Variants in MYBL1 observed in about 807,000 individuals in gnomAD.
MYBL1 encodes MYB proto-oncogene like 1.
A neutral mutation model predicts 96.3 loss-of-function variants in MYBL1; 17 were observed. That is an observed-to-expected ratio of 0.18 (90% CI 0.12 to 0.26). The LOEUF is 0.26. Among genes scored for constraint, MYBL1 ranks in the 10% least tolerant of loss-of-function variants. MYBL1 has a pLI of 1.00. For synonymous variants in MYBL1, 282 were observed against 292.7 expected (o/e 0.96, Z 0.37); for missense variants, 701 against 882.9 (o/e 0.79, Z 2.61).
At chr8:66,610,164 T>TA (rs1205991577) in intron 1 of MYBL1, among the ~76,000 whole-genome samples, 29 of 152,024 alleles carry the variant, frequency 1.9e-4, no homozygotes, top group African/African-American at 2.4e-5. Flanking sequence ...TACGTATATA[T>TA]AAATATGCTT....
intron 15 of MYBL1, 136 bp downstream of exon 15, chr8:66,565,928 A>G (rs947206742): frequency 1.6e-6 from 1 of 643,096 alleles, no homozygotes; most frequent in Non-Finnish European, 2.5e-6. Flanking sequence ...GAGTGATAAA[A>G]TAATGGTAAA....
At chr8:66,588,114 C>T (rs1809491922) in intron 8 of MYBL1, among the ~76,000 whole-genome samples, 1 of 152,048 alleles carries the variant, frequency 6.6e-6, no homozygotes, top group Non-Finnish European at 1.5e-5. Flanking sequence ...CAGGAGACAG[C>T]ATGGTTTTCC....
intron 14 of MYBL1, among the ~76,000 whole-genome samples, 171 bp downstream of exon 14, chr8:66,566,513 A>C (rs1808509063): frequency 6.6e-6 from 1 of 152,156 alleles, no homozygotes. Flanking sequence ...AAAAAAGTAA[A>C]TAAAATATTC....
chr8:66,581,524 A>G (rs1809211509), intron 8 of MYBL1, among the ~76,000 whole-genome samples: 2 of 152,062 alleles, frequency 1.3e-5, no homozygotes, highest in South Asian at 2.1e-4. Context: ...AAAAAATACA[A>G]AAATTAGCTG....
intron 10 of MYBL1, among the ~76,000 whole-genome samples, chr8:66,575,366 T>A (rs372269106): frequency 6.6e-6 from 1 of 152,300 alleles, no homozygotes; most frequent in South Asian, 2.1e-4. Flanking sequence ...GGAAACCGGA[T>A]CTTAGTCTCA....
At chr8:66,584,976 C>A (rs115969429) in intron 8 of MYBL1, among the ~76,000 whole-genome samples, 2 of 152,018 alleles carry the variant, frequency 1.3e-5, no homozygotes, top group Non-Finnish European at 2.9e-5. Flanking sequence ...AAGTAATCTA[C>A]GGTTCAGTGC....
intron 1 of MYBL1, among the ~76,000 whole-genome samples, chr8:66,610,240 A>G (rs1033410106): frequency 3.9e-5 from 6 of 152,072 alleles, no homozygotes; most frequent in African/African-American, 1.2e-4. Context: ...TGTCATCGCA[A>G]TTCCCAGTGG....
chr8:66,566,354 A>T (rs1808502788), intron 14 of MYBL1, 111 bp from the exon 15 acceptor site: 1 of 610,714 alleles, frequency 1.6e-6, no homozygotes, highest in African/African-American at 1.9e-5. Flanking sequence ...CCAAGAAAGC[A>T]TTTGGCTCTG....
chr8:66,598,923 T>C (rs1193937378), intron 4 of MYBL1, 127 bp downstream of exon 4: 1 of 490,484 alleles, frequency 2.0e-6, no homozygotes, highest in Non-Finnish European at 3.3e-6. Flanking sequence ...TCAATTCTTA[T>C]GCAAGTAGCC....
At chr8:66,573,324 TC>T (rs1340820154) in intron 11 of MYBL1, 39 bp downstream of exon 11, 1 of 1,545,814 alleles carries the variant, frequency 6.5e-7, no homozygotes, top group Non-Finnish European at 8.7e-7. Context: ...AACACTGTGC[TC>T]CCCATTTTCT....
rs1808389063 is a variant in MYBL1 at position 66,563,315 on chromosome 8, A to G, written c.*1382T>C. Reference sequence around the variant, plus strand: ...GTGTCAATTATAAATAATTCAAACTACAGTGTACAATTCTATTTACCTGTC... The same window carrying G: ...GTGTCAATTATAAATAATTCAAACTGCAGTGTACAATTCTATTTACCTGTC... On this transcript the variant is annotated 3_prime_UTR_variant, in exon 16 of 16. Coordinates refer to ENST00000522677, the MANE Select transcript of MYBL1 (RefSeq NM_001080416.4). 6.6e-6 allele frequency: 1 copy of G among 152,512 alleles called. No individual in the cohort carries two copies. The highest frequency in any genetic ancestry group is 1.5e-5 in the Non-Finnish European group (1 of 68,000). 9.4% of individuals were successfully genotyped at this position (152,512 alleles called of 1,614,324 possible). A position where few individuals can be genotyped will look rare whatever the true frequency, so the allele number is the denominator to read the frequency against.
intron 1 of MYBL1, among the ~76,000 whole-genome samples, chr8:66,603,312 C>A (rs930488973): frequency 2.0e-5 from 3 of 151,888 alleles, no homozygotes; most frequent in African/African-American, 7.3e-5. Flanking sequence ...ATTATTGGGG[C>A]CTGACAAATG....
chr8:66,568,827 C>T (rs1808616796), intron 12 of MYBL1, among the ~76,000 whole-genome samples: 1 of 151,730 alleles, frequency 6.6e-6, no homozygotes, highest in Non-Finnish European at 1.5e-5. Context: ...GAGTTCAAGA[C>T]CATCCTGGCT....
At chr8:66,606,252 T>C (rs1314137528) in intron 1 of MYBL1, among the ~76,000 whole-genome samples, 1 of 152,176 alleles carries the variant, frequency 6.6e-6, no homozygotes, top group Non-Finnish European at 1.5e-5. Context: ...CCACCTACCT[T>C]ATAGTGCTGC....
chr8:66,577,851 A>C (rs975925839), intron 9 of MYBL1, among the ~76,000 whole-genome samples: 22 of 152,222 alleles, frequency 1.4e-4, no homozygotes, highest in Admixed American at 3.9e-4. Flanking sequence ...ACAGTAACCA[A>C]AACAGCATGG....
At chr8:66,607,825 T>C (rs117045962) in intron 1 of MYBL1, among the ~76,000 whole-genome samples, 1,633 of 152,268 alleles carry the variant, frequency 0.011, 14 homozygotes, top group Non-Finnish European at 0.016. Context: ...TTAACCTTTC[T>C]TAGAAATGCC....
chr8:66,575,974 AT>A (rs762248089), intron 10 of MYBL1, 32 bp downstream of exon 10: 11 of 1,581,544 alleles, frequency 7.0e-6, no homozygotes, highest in Non-Finnish European at 9.5e-6. Flanking sequence ...ACTCATTGAC[AT>A]TTAGAAACAT....
intron 8 of MYBL1, among the ~76,000 whole-genome samples, chr8:66,580,604 T>C (rs557157108): frequency 6.6e-6 from 1 of 152,308 alleles, no homozygotes; most frequent in South Asian, 2.1e-4. Context: ...CAACATAAAG[T>C]CCAAACTCTT....
chr8:66,601,314 AGGT>A (rs1355599054), intron 3 of MYBL1, among the ~76,000 whole-genome samples: 1 of 152,118 alleles, frequency 6.6e-6, no homozygotes, highest in Admixed American at 6.6e-5. Flanking sequence ...ACATTTTAAA[AGGT>A]AAGCCTCAGA....
Sources: allele counts gnomAD v4.1 joint callset (sites outside exome capture counted in the v4.1 genomes callset), GRCh38; gene constraint gnomAD v4.1.1; transcripts MANE v1.5; gene names NCBI Gene and HGNC (gene_info 2026-07-23, HGNC 2026-07-21).